MAN1A2: variants seen among roughly 807,000 people sequenced by gnomAD.
MAN1A2 encodes mannosyl-oligosaccharide 1,2-alpha-mannosidase IB.
A neutral mutation model predicts 75.7 loss-of-function variants in MAN1A2; 26 were observed. That is an observed-to-expected ratio of 0.34 (90% confidence interval 0.25 to 0.48). The LOEUF (loss-of-function observed/expected upper bound fraction) is 0.48, where lower values mean the gene tolerates loss of function less well. MAN1A2 is among the 20% of genes least tolerant of loss of function. MAN1A2 has a pLI of 0.99. For missense variants in MAN1A2, 562 were observed against 775.5 expected, an observed-to-expected ratio of 0.72 and a Z score of 3.27; for synonymous variants, 247 against 264.6, an observed-to-expected ratio of 0.93 and a Z score of 0.65.
At chr1:117,383,873 A>C (rs1653435630) in intron 1 of MAN1A2, among the ~76,000 whole-genome samples, 1 of 152,062 alleles carries the variant, frequency 6.6e-6, no homozygotes, top group South Asian at 2.1e-4. Flanking sequence ...TTCCTGCCTC[A>C]GTCTCTTCAG....
At chr1:117,444,128 C>T (rs1055112269) in intron 6 of MAN1A2, among the ~76,000 whole-genome samples, 1 of 152,048 alleles carries the variant, frequency 6.6e-6, no homozygotes, top group African/African-American at 2.4e-5. Context: ...TTATCTTTCT[C>T]ACTCAATAAT....
intron 12 of MAN1A2, among the ~76,000 whole-genome samples, chr1:117,522,579 A>AT (rs990498052): frequency 1.3e-5 from 2 of 151,374 alleles, no homozygotes; most frequent in East Asian, 1.9e-4. Context: ...ACCTGGCCGG[A>AT]TTTTTTTTTA....
At chr1:117,470,370 T>A (rs1477838845) in intron 8 of MAN1A2, among the ~76,000 whole-genome samples, 3 of 152,070 alleles carry the variant, frequency 2.0e-5, no homozygotes, top group African/African-American at 7.2e-5. Context: ...TTTGCAGTGA[T>A]GAAAATTTTT....
chr1:117,437,671 A>C (rs964847574), intron 5 of MAN1A2, among the ~76,000 whole-genome samples: 3 of 152,086 alleles, frequency 2.0e-5, no homozygotes, highest in African/African-American at 7.2e-5. Flanking sequence ...TATTCATTTT[A>C]TATCAGTTTT....
intron 1 of MAN1A2, among the ~76,000 whole-genome samples, chr1:117,370,998 ACT>A (rs1356402617): frequency 6.6e-6 from 1 of 151,950 alleles, no homozygotes; most frequent in East Asian, 1.9e-4. Context: ...AAATTTTAAA[ACT>A]CTATATTGTT....
intron 9 of MAN1A2, among the ~76,000 whole-genome samples, chr1:117,496,127 C>CT (rs3835643): frequency 1.3e-5 from 2 of 151,546 alleles, no homozygotes; most frequent in African/African-American, 4.8e-5. Flanking sequence ...TAAAAATACT[C>CT]TTTTTTCAGA....
At chr1:117,518,759 A>T (rs1290556) in intron 12 of MAN1A2, among the ~76,000 whole-genome samples, 37,264 of 151,916 alleles carry the variant, frequency 0.25, 4,727 homozygotes, top group East Asian at 0.4. Flanking sequence ...TACTCCACTG[A>T]CAGCACTAGA....
At chr1:117,475,308 C>T (rs1023037231) in intron 8 of MAN1A2, among the ~76,000 whole-genome samples, 8 of 151,856 alleles carry the variant, frequency 5.3e-5, no homozygotes, top group African/African-American at 1.5e-4. Context: ...CATATACCTG[C>T]CAACACTTGA....
At chr1:117,402,041 G>A (rs1289940) in intron 1 of MAN1A2, 145 bp from the exon 2 acceptor site, 96,319 of 704,988 alleles carry the variant, frequency 0.14, 7,781 homozygotes, top group African/African-American at 0.26. Flanking sequence ...ATCTGAATGT[G>A]TCTCACTGAT....
chr1:117,414,715 A>G lies in MAN1A2; in HGVS notation c.658A>G (p.Ser220Gly). Residue 220 changes from serine to glycine, a missense_variant and splice_region_variant, in exon 4 of 13, where the codon AGT becomes GGT. Physicochemically the swap from Ser to Gly is moderately conservative, Grantham distance 56. This residue lies in a region of MAN1A2 where 434 missense variants were observed against 645.7 expected (regional missense o/e 0.67). Coordinates refer to ENST00000356554, the MANE Select transcript of MAN1A2 (RefSeq NM_006699.5). ...RKGHSPNIFG[S>G]SQMGATIVDA... ...AATTTTTTTCTTCCCAAATATAGGA[A>G]GTTCACAAATGGGTGCTACCATAGT... 3 of 1,536,586 alleles carry G rather than the reference A, an allele frequency of 2.0e-6. No individual in the cohort carries two copies. The highest frequency in any genetic ancestry group is 2.7e-6 in the Non-Finnish European group (3 of 1,111,022).
chr1:117,466,602 A>G (rs1649991317), intron 8 of MAN1A2, among the ~76,000 whole-genome samples, 175 bp downstream of exon 8: 1 of 152,082 alleles, frequency 6.6e-6, no homozygotes, highest in African/African-American at 2.4e-5. Context: ...CAGTTTTCCC[A>G]CTTATAAAAT....
In MAN1A2 at chr1:117,456,390, TG is replaced by T. The variant is rs1311807226; in HGVS notation, c.951-4094del. ...CATAAGAGTACAATTTAAGAATGAA[TG>T]GGGGAGCTGAAATAATTAAAACTAT... is the stretch of plus-strand genomic sequence containing the variant. On this transcript the variant is annotated intron_variant, in intron 6 of 12. Coordinates refer to ENST00000356554, the MANE Select transcript of MAN1A2 (RefSeq NM_006699.5). Among the ~76,000 whole-genome samples the T allele has an allele frequency of 3.9e-5, 6 of 152,136 alleles. No homozygotes were observed. The East Asian group carries it at 9.6e-4, about 24-fold the overall frequency.
rs2101037111 is a variant in MAN1A2 at position 117,524,168 on chromosome 1, T to A, written c.*1211T>A. 1 of 152,294 alleles carries A rather than the reference T, an allele frequency of 6.6e-6. No individual in the cohort carries two copies. Among genetic ancestry groups the A allele is most frequent in the African/African-American group, 2.4e-5 (1 of 41,518 alleles). 9.4% of individuals were successfully genotyped at this position (152,294 alleles called of 1,614,324 possible). On this transcript the variant is annotated 3_prime_UTR_variant, in exon 13 of 13. Coordinates refer to ENST00000356554, the MANE Select transcript of MAN1A2 (RefSeq NM_006699.5). ...AAGAATCAGAATAGTTTCAAAATAA[T>A]TTTCAGTGATAAAAGAGTGTTGTAA... is the stretch of plus-strand genomic sequence containing the variant.
intron 4 of MAN1A2, among the ~76,000 whole-genome samples, chr1:117,419,522 A>G (rs1359259852): frequency 1.3e-5 from 2 of 152,138 alleles, no homozygotes; most frequent in Non-Finnish European, 2.9e-5. Context: ...TAAAAATTCT[A>G]TACTGAAGAA....
chr1:117,468,793 A>G (rs1304430804), intron 8 of MAN1A2, among the ~76,000 whole-genome samples: 1 of 152,170 alleles, frequency 6.6e-6, no homozygotes, highest in Non-Finnish European at 1.5e-5. Flanking sequence ...TGACATATCT[A>G]GAAAGATATT....
In MAN1A2 at chr1:117,501,865, C is replaced by G. The variant is rs146414837; in HGVS notation, c.1678-990C>G. Among the ~76,000 whole-genome samples the G allele has an allele frequency of 1.8e-4, 27 of 151,710 alleles. No individual in the cohort carries two copies. The East Asian group carries it at 4.5e-3, about 25-fold the overall frequency. ...AGCGATGGTTAGTTAAGTAACCATG[C>G]CTTCATTGGATGACCTTGCAGGGTT... On this transcript the variant is annotated intron_variant, in intron 11 of 12. Transcript: ENST00000356554.
intron 1 of MAN1A2, among the ~76,000 whole-genome samples, chr1:117,392,997 C>G (rs894698510): frequency 1.3e-5 from 2 of 152,180 alleles, no homozygotes; most frequent in African/African-American, 2.4e-5. Flanking sequence ...TCTTCATTAA[C>G]GTGTTATTTT....
chr1:117,436,066 A>G (rs1199801547), intron 5 of MAN1A2, among the ~76,000 whole-genome samples: 1 of 152,194 alleles, frequency 6.6e-6, no homozygotes, highest in Admixed American at 6.5e-5. Flanking sequence ...TCAAAAAAAA[A>G]TGTATATGGA....
intron 5 of MAN1A2, among the ~76,000 whole-genome samples, chr1:117,431,252 A>G (rs1426411748): frequency 7.1e-6 from 1 of 141,102 alleles, no homozygotes; most frequent in Non-Finnish European, 1.5e-5. Flanking sequence ...TCATAATGAA[A>G]AAAAGGATCC....
Sources: gnomAD v4.1 joint callset for allele counts (sites outside exome capture counted in the v4.1 genomes callset) on GRCh38, gnomAD v4.1.1 for gene constraint, gnomAD v4.1.1 regional missense constraint, MANE v1.5 for transcripts, NCBI Gene and HGNC (gene_info 2026-07-23, HGNC 2026-07-21) for gene names.